ARHGEF10: variants seen among roughly 807,000 people sequenced by gnomAD.
The protein encoded by ARHGEF10 is Rho guanine nucleotide exchange factor 10.
Under a neutral mutation model 147.4 loss-of-function variants are expected in ARHGEF10, and 140 were observed. The observed-to-expected ratio is 0.95, with a 90% confidence interval of 0.83 to 1.09. The LOEUF (loss-of-function observed/expected upper bound fraction) is 1.09, where lower values mean the gene tolerates loss of function less well. ARHGEF10 is among the 50% of genes least tolerant of loss of function. The pLI is 0.00. For missense variants in ARHGEF10, 2,222 were observed against 1,752.7 expected, an observed-to-expected ratio of 1.27 and a Z score of -4.78; for synonymous variants, 902 against 695.8, an observed-to-expected ratio of 1.30 and a Z score of -4.67.
intron 27 of ARHGEF10, among the ~76,000 whole-genome samples, chr8:1,946,237 C>A (rs942431391): frequency 1.3e-5 from 2 of 152,170 alleles, no homozygotes; most frequent in Non-Finnish European, 2.9e-5. Context: ...CCGGAGGCCG[C>A]TGTGGGGTCC....
chr8:1,890,453 G>T (rs1232282898), intron 11 of ARHGEF10, among the ~76,000 whole-genome samples: 1 of 148,622 alleles, frequency 6.7e-6, no homozygotes, highest in Non-Finnish European at 1.5e-5. Flanking sequence ...GAGACAGTGA[G>T]TGGGGTGAGT....
intron 11 of ARHGEF10, among the ~76,000 whole-genome samples, chr8:1,886,560 T>C (rs1164822499): frequency 6.6e-6 from 1 of 152,240 alleles, no homozygotes; most frequent in African/African-American, 2.4e-5. Flanking sequence ...TTCAGTGGAA[T>C]TGAACAGCGA....
At chr8:1,939,486 C>T (rs1222263424) in intron 26 of ARHGEF10, among the ~76,000 whole-genome samples, 1 of 152,238 alleles carries the variant, frequency 6.6e-6, no homozygotes, top group Non-Finnish European at 1.5e-5. Flanking sequence ...AGGCCTCAGG[C>T]TGGCACAGTG....
At chr8:1,828,543 A>C (rs111361934) in intron 1 of ARHGEF10, among the ~76,000 whole-genome samples, 6 of 144,284 alleles carry the variant, frequency 4.2e-5, no homozygotes, top group African/African-American at 1.3e-4. Flanking sequence ...ATGCACACTT[A>C]CTGTTTTAAG....
rs536448339 is a variant in ARHGEF10 at position 1,896,556 on chromosome 8, A to G, written c.1557+107A>G. Reference sequence around the variant, plus strand: ...ATTCGTTATTAAGATTTCAGTATCAATAGTGCCCTAGATATTGGATTAATG... The same window carrying G: ...ATTCGTTATTAAGATTTCAGTATCAGTAGTGCCCTAGATATTGGATTAATG... On this transcript the variant is annotated intron_variant, in intron 14 of 28. Transcript: ENST00000349830. The G allele has an allele frequency of 1.9e-4, 157 of 835,718 alleles. 2 individuals carry two copies. The highest frequency in any genetic ancestry group is 1.2e-3 in the African/African-American group (71 of 59,316). The allele number at this position is 835,718 out of a possible 1,614,324, so 51.8% of individuals were successfully genotyped here. A position where few individuals can be genotyped will look rare whatever the true frequency, so the allele number is the denominator to read the frequency against.
chr8:1,892,748 C>G (rs1809648856), intron 11 of ARHGEF10, among the ~76,000 whole-genome samples: 1 of 152,014 alleles, frequency 6.6e-6, no homozygotes, highest in Non-Finnish European at 1.5e-5. Context: ...GGCGTGTGTT[C>G]ATATGCGGGA....
intron 1 of ARHGEF10, among the ~76,000 whole-genome samples, chr8:1,837,394 G>A (rs1803650590): frequency 6.6e-6 from 1 of 152,244 alleles, no homozygotes; most frequent in Non-Finnish European, 1.5e-5. Context: ...AAGGAGTAAT[G>A]CCCAGTGTTG....
chr8:1,884,545 C>T (rs1212874450), intron 10 of ARHGEF10, among the ~76,000 whole-genome samples: 1 of 152,198 alleles, frequency 6.6e-6, no homozygotes, highest in Non-Finnish European at 1.5e-5. Flanking sequence ...GTGCCAGGCC[C>T]TCCTTCCCTG....
chr8:1,848,664 A>C (rs1419391435), intron 2 of ARHGEF10, among the ~76,000 whole-genome samples: 1 of 152,250 alleles, frequency 6.6e-6, no homozygotes, highest in African/African-American at 2.4e-5. Context: ...ATGCATGTTA[A>C]TTGTAGAATA....
chr8:1,882,553 A>C, intron 9 of ARHGEF10, 82 bp from the exon 10 acceptor site: 1 of 1,113,546 alleles, frequency 9.0e-7, no homozygotes, highest in East Asian at 2.6e-5. Flanking sequence ...ACTACTTGAC[A>C]GTATTCTTTT....
intron 1 of ARHGEF10, among the ~76,000 whole-genome samples, chr8:1,839,301 C>CGGTGTGGGGACTGTCT (rs1563157081): frequency 2.2e-5 from 2 of 90,766 alleles, no homozygotes; most frequent in Admixed American, 1.1e-4. Context: ...GGGTACTGTC[C>CGGTGTGGGGACTGTCT]GGTGTGGGGA....
At chr8:1,935,091 C>T (rs1813468245) in intron 26 of ARHGEF10, among the ~76,000 whole-genome samples, 1 of 152,132 alleles carries the variant, frequency 6.6e-6, no homozygotes, top group African/African-American at 2.4e-5. Context: ...ACTAACATTG[C>T]CTATTAAAAC....
chr8:1,861,111 G>A (rs915308435), intron 4 of ARHGEF10, among the ~76,000 whole-genome samples: 2 of 152,174 alleles, frequency 1.3e-5, no homozygotes, highest in Admixed American at 1.3e-4. Flanking sequence ...GCTCACCTCC[G>A]GTCTCTGTGT....
chr8:1,883,975 C>G (rs1159511414), intron 10 of ARHGEF10, among the ~76,000 whole-genome samples: 1 of 152,168 alleles, frequency 6.6e-6, no homozygotes, highest in East Asian at 1.9e-4. Flanking sequence ...TGGCAGAGTC[C>G]CCCGGGACTG....
At chr8:1,827,980 A>T (rs548609271) in intron 1 of ARHGEF10, among the ~76,000 whole-genome samples, 2 of 152,212 alleles carry the variant, frequency 1.3e-5, no homozygotes. Context: ...CTGCATCAGC[A>T]TTGGCTAGTT....
At chr8:1,854,761 C>G (rs1376397775) in intron 2 of ARHGEF10, among the ~76,000 whole-genome samples, 2 of 152,238 alleles carry the variant, frequency 1.3e-5, no homozygotes, top group Admixed American at 1.3e-4. Flanking sequence ...GCTTGCTCAT[C>G]TGCTCGTCAT....
At chr8:1,910,491 A>G (rs998010301) in intron 18 of ARHGEF10, among the ~76,000 whole-genome samples, 15 of 152,138 alleles carry the variant, frequency 9.9e-5, no homozygotes, top group African/African-American at 3.4e-4. Context: ...TGACTCTTAA[A>G]TCCTCGTCCT....
At chr8:1,928,354 G>C (rs1202240167) in intron 23 of ARHGEF10, 73 bp from the exon 24 acceptor site, 28 of 1,396,758 alleles carry the variant, frequency 2.0e-5, no homozygotes, top group Non-Finnish European at 2.8e-5. Context: ...TGGCCTTTAA[G>C]GGTCAGGTTC....
rs1415218281 is a variant in ARHGEF10 at position 1,866,610 on chromosome 8, C to T, written c.622+8C>T. The T allele has an allele frequency of 1.2e-6, 2 of 1,603,038 alleles. No homozygotes were observed. Among genetic ancestry groups the T allele is most frequent in the South Asian group, 1.1e-5 (1 of 91,064 alleles). On this transcript the variant is annotated splice_region_variant and intron_variant, in intron 6 of 28. Transcript: ENST00000349830. ...ACACAGCCTGGATGGAGAGTAAGTTCCCCAGCTGCCCACAGCCAGAATCCT... is the reference window on the plus strand; with the variant it reads ...ACACAGCCTGGATGGAGAGTAAGTTTCCCAGCTGCCCACAGCCAGAATCCT...
Sources: gnomAD v4.1 joint callset for allele counts (sites outside exome capture counted in the v4.1 genomes callset) on GRCh38, gnomAD v4.1.1 for gene constraint, MANE v1.5 for transcripts, NCBI Gene and HGNC (gene_info 2026-07-23, HGNC 2026-07-21) for gene names.